The following MAP3K13 variants were observed in gnomAD, a reference collection of about 807,000 sequenced individuals.
The protein encoded by MAP3K13 is leucine zipper-bearing kinase.
MAP3K13 carries 52 observed loss-of-function variants against 104.0 expected under a neutral mutation model. That is an observed-to-expected ratio of 0.50 (90% CI 0.40 to 0.63). The LOEUF (loss-of-function observed/expected upper bound fraction) is 0.63, where lower values mean the gene tolerates loss of function less well. Among genes scored for constraint, MAP3K13 ranks in the 20% least tolerant of loss-of-function variants. The pLI is 0.00. For synonymous variants in MAP3K13, 394 were observed against 442.2 expected, an observed-to-expected ratio of 0.89 and a Z score of 1.37; for missense variants, 914 against 1,218.5, an observed-to-expected ratio of 0.75 and a Z score of 3.72.
At chr3:185,405,811 T>G (rs1713082807) in intron 1 of MAP3K13, among the ~76,000 whole-genome samples, 1 of 152,204 alleles carries the variant, frequency 6.6e-6, no homozygotes, top group South Asian at 2.1e-4. Flanking sequence ...GACACACTAG[T>G]TTGTATGCTC....
intron 1 of MAP3K13, among the ~76,000 whole-genome samples, chr3:185,391,082 T>A (rs1326370029): frequency 6.6e-6 from 1 of 152,210 alleles, no homozygotes; most frequent in Non-Finnish European, 1.5e-5. Flanking sequence ...GCATAACATT[T>A]ACAGTTTTAG....
At chr3:185,479,703 A>G (rs1014979250) in intron 12 of MAP3K13, among the ~76,000 whole-genome samples, 2 of 152,196 alleles carry the variant, frequency 1.3e-5, no homozygotes, top group African/African-American at 2.4e-5. Flanking sequence ...ACAAAATACT[A>G]CAGATTGGAT....
intron 7 of MAP3K13, among the ~76,000 whole-genome samples, chr3:185,456,696 A>T (rs886107452): frequency 2.8e-5 from 4 of 145,266 alleles, no homozygotes; most frequent in African/African-American, 1.0e-4. Context: ...CCACCTCCCG[A>T]GTTCAAGCAA....
chr3:185,293,283 A>T (rs1720810111), intron 2 of MAP3K13, among the ~76,000 whole-genome samples: 1 of 151,638 alleles, frequency 6.6e-6, no homozygotes, highest in Non-Finnish European at 1.5e-5. Flanking sequence ...GCGCCTGGCT[A>T]ATTTTTATAT....
At chr3:185,322,890 T>G (rs1353666760) in intron 2 of MAP3K13, among the ~76,000 whole-genome samples, 1 of 152,224 alleles carries the variant, frequency 6.6e-6, no homozygotes, top group Non-Finnish European at 1.5e-5. Context: ...TTCACTGTAA[T>G]TTCATTATCT....
At chr3:185,339,037 A>G (rs1459212301) in intron 2 of MAP3K13, among the ~76,000 whole-genome samples, 3 of 152,146 alleles carry the variant, frequency 2.0e-5, no homozygotes, top group Non-Finnish European at 2.9e-5. Context: ...TGCTATCTCT[A>G]GGCTGGGCGT....
Position 185,487,169 on chromosome 3 carries a change from T to TGG in MAP3K13, c.*4713_*4714insGG, listed in dbSNP as rs1560143094. 2.7e-5 allele frequency: 3 copies of TGG among 110,078 alleles called. No individual in the cohort carries two copies. The highest frequency in any genetic ancestry group is 1.1e-4 in the African/African-American group (3 of 27,352). The allele number at this position is 110,078 out of a possible 1,614,324, so 6.8% of individuals were successfully genotyped here. A position where few individuals can be genotyped will look rare whatever the true frequency, so the allele number is the denominator to read the frequency against. On this transcript the variant is annotated 3_prime_UTR_variant, in exon 14 of 14. Transcript: ENST00000265026. Reference sequence around the variant, plus strand: ...TACCTGGCACCAACCCAGACTTTTTTTGGGGGGGGGTGAGGGCGCAGGATC... The same window carrying TGG: ...TACCTGGCACCAACCCAGACTTTTTTGGTGGGGGGGGGTGAGGGCGCAGGATC...
intron 2 of MAP3K13, among the ~76,000 whole-genome samples, chr3:185,343,746 T>C (rs1184805309): frequency 2.6e-5 from 4 of 152,284 alleles, no homozygotes; most frequent in African/African-American, 7.2e-5. Flanking sequence ...CCACTGCGCC[T>C]GGCTGGATAT....
At chr3:185,417,139 G>A (rs1041919416) in intron 1 of MAP3K13, among the ~76,000 whole-genome samples, 1 of 152,090 alleles carries the variant, frequency 6.6e-6, no homozygotes, top group African/African-American at 2.4e-5. Context: ...TGTATACTTA[G>A]CATCTTGTCA....
intron 1 of MAP3K13, among the ~76,000 whole-genome samples, chr3:185,370,258 G>C (rs1724087375): frequency 6.6e-6 from 1 of 152,154 alleles, no homozygotes; most frequent in Non-Finnish European, 1.5e-5. Context: ...GCACTGGCGT[G>C]ATCTCAGCTC....
In MAP3K13 at chr3:185,428,770, C is replaced by G. The variant is rs758088448; in HGVS notation, c.189C>G (p.Pro63=). ...RTELIESVHS[P]VTTTVLTSVS... The stretch of plus-strand genomic sequence containing the variant: ...AGCTAATCGAGAGCGTGCACAGCCC[C>G]GTCACCACAACAGTGTTGACGAGCG... The change falls in exon 2 of 14, where the codon CCC becomes CCG. Residue 63 remains proline, a synonymous_variant. Coordinates refer to ENST00000265026, the MANE Select transcript of MAP3K13 (RefSeq NM_004721.5). The G allele has an allele frequency of 2.0e-5, 32 of 1,614,024 alleles. No individual in the cohort carries two copies. The highest frequency in any genetic ancestry group is 1.0e-4 in the Admixed American group (6 of 60,004).
rs1560116239 is a variant in MAP3K13, at chr3:185,454,304, T to TATATATGAG, written c.1278+2915_1278+2916insGAGATATAT. ...TATGATATATATGAGATATATATCA[T>TATATATGAG]ATATATATGAGATATATATGAGATA... is the stretch of plus-strand genomic sequence containing the variant. On this transcript the variant is annotated intron_variant, in intron 7 of 13. Coordinates refer to ENST00000265026, the MANE Select transcript of MAP3K13 (RefSeq NM_004721.5). 3.3e-5 allele frequency among the ~76,000 whole-genome samples: 3 copies of TATATATGAG among 91,936 alleles called. 1 individual carries two copies. The highest frequency in any genetic ancestry group is 1.5e-4 in the African/African-American group (3 of 19,510). The allele number at this position is 91,936 out of a possible 152,430, so 60.3% of individuals were successfully genotyped here.
chr3:185,417,494 T>A lies in MAP3K13; in HGVS notation c.-85-11003T>A, dbSNP rs541258093. ...TTTATGGAATAATCAAATTTAAGAG[T>A]TTATGCAGCAGGCTTCTTTTCCTCT... On this transcript the variant is annotated intron_variant, in intron 1 of 13. Coordinates refer to ENST00000265026, the MANE Select transcript of MAP3K13 (RefSeq NM_004721.5). 7 of 1,589,380 alleles carry A rather than the reference T, an allele frequency of 4.4e-6. No individual in the cohort carries two copies. In the South Asian group the frequency reaches 8.2e-5, roughly 19 times the overall value.
intron 2 of MAP3K13, among the ~76,000 whole-genome samples, chr3:185,312,546 G>T (rs796296138): frequency 3.5e-4 from 53 of 152,332 alleles, no homozygotes; most frequent in African/African-American, 1.2e-3. Context: ...ACAATGCAGA[G>T]ATTTCCCACT....
At chr3:185,301,628 C>A (rs1307134203) in intron 2 of MAP3K13, among the ~76,000 whole-genome samples, 10 of 152,134 alleles carry the variant, frequency 6.6e-5, no homozygotes, top group Admixed American at 6.6e-4. Context: ...CTGAGTTCAT[C>A]TTTGTAGTCA....
intron 2 of MAP3K13, among the ~76,000 whole-genome samples, chr3:185,358,037 T>G (rs912786944): frequency 6.6e-6 from 1 of 152,202 alleles, no homozygotes; most frequent in African/African-American, 2.4e-5. Flanking sequence ...GTGCAAATTT[T>G]TATTTATAGC....
intron 1 of MAP3K13, among the ~76,000 whole-genome samples, chr3:185,404,437 C>T (rs975052147): frequency 6.6e-6 from 1 of 152,186 alleles, no homozygotes; most frequent in Non-Finnish European, 1.5e-5. Context: ...GCAAAGTTTA[C>T]ACTTGAGCGT....
chr3:185,425,491 A>C (rs1004160710), intron 1 of MAP3K13, among the ~76,000 whole-genome samples: 2 of 152,180 alleles, frequency 1.3e-5, no homozygotes. Context: ...TAACTGACTT[A>C]TTCAGGTCCA....
chr3:185,403,814 G>A (rs911853625), intron 1 of MAP3K13, among the ~76,000 whole-genome samples: 19 of 152,166 alleles, frequency 1.2e-4, no homozygotes, highest in Non-Finnish European at 5.9e-5. Context: ...AGATAATATA[G>A]AAGCTGTAAT....
Sources: gnomAD v4.1 joint callset for allele counts (sites outside exome capture counted in the v4.1 genomes callset) on GRCh38, gnomAD v4.1.1 for gene constraint, MANE v1.5 for transcripts, NCBI Gene and HGNC (gene_info 2026-07-23, HGNC 2026-07-21) for gene names.